Variants in WWC2 observed in about 807,000 individuals in gnomAD.
WWC2 encodes WW and C2 domain containing 2.
A neutral mutation model predicts 138.5 loss-of-function variants in WWC2; 101 were observed. The ratio of observed to expected loss-of-function variants is 0.73; its 90% CI spans 0.62 to 0.86. The LOEUF (loss-of-function observed/expected upper bound fraction) is 0.86. Ranked by LOEUF, WWC2 falls within the 40% of genes least tolerant of loss-of-function variation. The pLI is 0.00. For synonymous variants in WWC2, 558 were observed against 538.4 expected (o/e 1.04, Z -0.50); for missense variants, 1,420 against 1,419.4 (o/e 1.00, Z -0.01).
chr4:183,123,402 GGTGTGTGTGTGTGTGTGT>G (rs67158904), intron 1 of WWC2, among the ~76,000 whole-genome samples: 19 of 147,716 alleles, frequency 1.3e-4, no homozygotes, highest in African/African-American at 4.7e-4. Context: ...GCAAGTTTCA[GGTGTGTGTGTGTGTGTGT>G]GTGTGTGTGT....
At chr4:183,270,960 T>G (rs956786274) in intron 15 of WWC2, 120 bp from the exon 16 acceptor site, 18 of 929,794 alleles carry the variant, frequency 1.9e-5, no homozygotes, top group African/African-American at 5.2e-5. Flanking sequence ...GAGAATTGTG[T>G]TTTTTTTACC....
intron 2 of WWC2, among the ~76,000 whole-genome samples, chr4:183,194,117 G>A (rs1398198348): frequency 6.6e-6 from 1 of 152,210 alleles, no homozygotes; most frequent in Non-Finnish European, 1.5e-5. Flanking sequence ...CTGGGACTGG[G>A]GAGGGGTTGG....
At chr4:183,099,991 G>T (rs1439218161) in intron 1 of WWC2, among the ~76,000 whole-genome samples, 1 of 152,220 alleles carries the variant, frequency 6.6e-6, no homozygotes, top group Non-Finnish European at 1.5e-5. Flanking sequence ...CGGCGGGGGT[G>T]GGCTAGGGCC....
At chr4:183,124,167 A>G (rs2111054464) in intron 1 of WWC2, among the ~76,000 whole-genome samples, 1 of 152,304 alleles carries the variant, frequency 6.6e-6, no homozygotes, top group African/African-American at 2.4e-5. Context: ...TTGGTAGCAG[A>G]TAATTGTTTG....
rs568733799 is a variant in WWC2 at position 183,177,499 on chromosome 4, C to T, written c.132-16100C>T. On this transcript the variant is annotated intron_variant, in intron 1 of 22. Transcript: ENST00000403733. ...AAATCAAAGAAGGAAATTGTAGGGC[C>T]TTTGGTCAGAAGCTCCTTTGTTGTT... Among the ~76,000 whole-genome samples, 5 of 152,010 alleles carry T rather than the reference C, an allele frequency of 3.3e-5. No individual in the cohort carries two copies. The South Asian group carries it at 1.0e-3, about 32-fold the overall frequency.
chr4:183,173,869 C>A (rs1734369655), intron 1 of WWC2, among the ~76,000 whole-genome samples: 1 of 152,126 alleles, frequency 6.6e-6, no homozygotes, highest in Non-Finnish European at 1.5e-5. Flanking sequence ...AGACAGCTCT[C>A]AGTCATATTT....
At chr4:183,139,692 TA>T (rs1733232935) in intron 1 of WWC2, among the ~76,000 whole-genome samples, 1 of 152,240 alleles carries the variant, frequency 6.6e-6, no homozygotes, top group South Asian at 2.1e-4. Context: ...AGGCCTATCC[TA>T]ACTGATACAG....
At chr4:183,106,145 A>C (rs1341686307) in intron 1 of WWC2, among the ~76,000 whole-genome samples, 2 of 151,566 alleles carry the variant, frequency 1.3e-5, no homozygotes, top group Admixed American at 6.6e-5. Flanking sequence ...CACCACGCCC[A>C]GCTAGTTTTT....
chr4:183,240,157 AT>A, intron 4 of WWC2, 25 bp from the exon 5 acceptor site: 1 of 1,498,610 alleles, frequency 6.7e-7, no homozygotes, highest in Non-Finnish European at 9.0e-7. Flanking sequence ...GCAAACATTA[AT>A]GTTTATGTTG....
At chr4:183,234,622 A>G (rs1736358619) in intron 4 of WWC2, among the ~76,000 whole-genome samples, 1 of 152,200 alleles carries the variant, frequency 6.6e-6, no homozygotes, top group Non-Finnish European at 1.5e-5. Context: ...ATAGACTGTG[A>G]TAGCAGGGTA....
At chr4:183,133,861 C>T (rs1055818899) in intron 1 of WWC2, among the ~76,000 whole-genome samples, 3 of 152,130 alleles carry the variant, frequency 2.0e-5, no homozygotes, top group African/African-American at 4.8e-5. Context: ...AATTGAGAAA[C>T]GTGCCCACAT....
In WWC2 at chr4:183,268,981, G is replaced by A; in HGVS notation, c.2218G>A (p.Val740Ile). 2 of 1,611,824 alleles carry A rather than the reference G, an allele frequency of 1.2e-6. No individual in the cohort carries two copies. The highest frequency in any genetic ancestry group is 3.3e-4 in the Middle Eastern group (2 of 6,046). Reference protein sequence around the residue: ...IPHTSKVYFRVAVLPSSTDVS... With the variant: ...IPHTSKVYFRIAVLPSSTDVS... ...TCTTGTTCTTTGCAGATATTTTAGG[G>A]TTGCCGTTCTTCCTTCCTCAACTGA... is the stretch of plus-strand genomic sequence containing the variant. Residue 740 changes from valine (V) to isoleucine (I), a missense_variant, in exon 15 of 23, where the codon GTT (valine) becomes ATT (isoleucine). By Grantham distance (29) the Val-to-Ile change is conservative (BLOSUM62 3). Transcript: ENST00000403733.
Position 183,274,978 on chromosome 4 carries a change from A to C in WWC2, c.2562+3737A>C, listed in dbSNP as rs139682287. On this transcript the variant is annotated intron_variant, in intron 16 of 22. Coordinates refer to ENST00000403733, the MANE Select transcript of WWC2 (RefSeq NM_024949.6). ...TTGAAGTATGTAATACAATGTTGTT[A>C]ATTACAGTCACCTTACTGGGCATTA... 1.8e-3 allele frequency among the ~76,000 whole-genome samples: 271 copies of C among 152,264 alleles called. 1 individual carries two copies. The highest frequency in any genetic ancestry group is 4.6e-3 in the South Asian group (22 of 4,824).
At chr4:183,132,714 A>G (rs1732965880) in intron 1 of WWC2, among the ~76,000 whole-genome samples, 1 of 151,980 alleles carries the variant, frequency 6.6e-6, no homozygotes, top group African/African-American at 2.4e-5. Context: ...CAGCCTCCCA[A>G]AGTGCTGGGA....
At chr4:183,251,319 T>C (rs1268700373) in intron 8 of WWC2, among the ~76,000 whole-genome samples, 1 of 152,206 alleles carries the variant, frequency 6.6e-6, no homozygotes, top group Non-Finnish European at 1.5e-5. Context: ...TGGGCAGGGC[T>C]GTGGACAAAG....
In WWC2 at chr4:183,284,219, C is replaced by T; in HGVS notation, c.2884-7C>T. ...AGCTCCTGACAAATTGTTAACTTCT[C>T]TTATAGGTTGACAAAGAGACAAACA... On this transcript the variant is annotated splice_region_variant and splice_polypyrimidine_tract_variant and intron_variant, in intron 18 of 22. Coordinates refer to ENST00000403733, the MANE Select transcript of WWC2 (RefSeq NM_024949.6). The T allele has an allele frequency of 6.2e-7, 1 of 1,612,904 alleles. No individual in the cohort carries two copies. The highest frequency in any genetic ancestry group is 8.5e-7 in the Non-Finnish European group (1 of 1,179,124).
chr4:183,265,643 G>T, intron 12 of WWC2, 45 bp from the exon 13 acceptor site: 5 of 1,553,490 alleles, frequency 3.2e-6, no homozygotes, highest in South Asian at 1.2e-5. Context: ...CATAACAATC[G>T]ATAACCCCAT....
At chr4:183,271,463 C>T (rs1442043685) in intron 16 of WWC2, among the ~76,000 whole-genome samples, 1 of 152,162 alleles carries the variant, frequency 6.6e-6, no homozygotes, top group African/African-American at 2.4e-5. Flanking sequence ...AAAAGGAGCA[C>T]TCTTTTCTGC....
intron 1 of WWC2, among the ~76,000 whole-genome samples, chr4:183,188,670 A>G (rs1404336862): frequency 7.8e-6 from 1 of 127,978 alleles, no homozygotes; most frequent in Admixed American, 9.0e-5. Context: ...TTTGAGACGA[A>G]GTCTCGCTCT....
Sources: allele counts gnomAD v4.1 joint callset (sites outside exome capture counted in the v4.1 genomes callset), GRCh38; gene constraint gnomAD v4.1.1; transcripts MANE v1.5; gene names NCBI Gene and HGNC (gene_info 2026-07-23, HGNC 2026-07-21).